NPAS2: variants seen among roughly 807,000 people sequenced by gnomAD.
NPAS2 encodes the protein neuronal PAS domain-containing protein 2.
In NPAS2, 23 loss-of-function variants were observed where a neutral mutation model predicts 107.5. The ratio of observed to expected loss-of-function variants is 0.21; its 90% CI spans 0.15 to 0.30. NPAS2 has a LOEUF of 0.30. Among genes scored for constraint, NPAS2 ranks in the 10% least tolerant of loss-of-function variants. The pLI is 1.00. For synonymous variants in NPAS2, 403 were observed against 417.5 expected (o/e 0.97, Z 0.42); for missense variants, 756 against 1,043.3 (o/e 0.72, Z 3.79).
At chr2:100,869,710 A>C (rs950540229) in intron 1 of NPAS2, among the ~76,000 whole-genome samples, 2 of 152,052 alleles carry the variant, frequency 1.3e-5, no homozygotes, top group Non-Finnish European at 2.9e-5. Flanking sequence ...CGAGCTTTAC[A>C]AGCAAGGGTC....
rs1677881985 is a variant in NPAS2 at position 100,988,120 on chromosome 2, C to T, written c.1671C>T (p.Ser557=). 8 of 1,614,232 alleles carry T rather than the reference C, an allele frequency of 5.0e-6. No homozygotes were observed. The highest frequency in any genetic ancestry group is 5.9e-6 in the Non-Finnish European group (7 of 1,180,028). ...QQPAVSLSFS[S]TQRPEAQQQL... The stretch of plus-strand genomic sequence containing the variant: ...CAGCTGTATCCCTGAGCTTCAGCAG[C>T]ACCCAGCGACCTGAGGCTCAGCAGC... Residue 557 remains serine (S), a synonymous_variant, in exon 17 of 21, where the codon AGC becomes AGT. Transcript: ENST00000335681.
chr2:100,962,284 A>G (rs929931512), intron 7 of NPAS2, among the ~76,000 whole-genome samples: 1 of 152,182 alleles, frequency 6.6e-6, no homozygotes, highest in Non-Finnish European at 1.5e-5. Context: ...AGACCACATT[A>G]TAGAATCTTT....
chr2:100,898,469 C>T (rs751162616), intron 1 of NPAS2, among the ~76,000 whole-genome samples: 19 of 152,152 alleles, frequency 1.2e-4, no homozygotes, highest in Non-Finnish European at 2.2e-4. Flanking sequence ...GCCCACCCTA[C>T]ATTTATGTCA....
At chr2:100,839,505 TTAA>T (rs764262311) in intron 1 of NPAS2, among the ~76,000 whole-genome samples, 10 of 152,192 alleles carry the variant, frequency 6.6e-5, no homozygotes, top group Non-Finnish European at 1.3e-4. Flanking sequence ...TATGATTTTC[TTAA>T]TAACATTTTT....
At chr2:100,920,146 T>C (rs912061476) in intron 2 of NPAS2, among the ~76,000 whole-genome samples, 3 of 152,084 alleles carry the variant, frequency 2.0e-5, no homozygotes, top group Non-Finnish European at 4.4e-5. Context: ...GGTCCTCCTG[T>C]CAAAGGGGGA....
In NPAS2 at chr2:100,968,950, A is replaced by G. The variant is rs6741733; in HGVS notation, c.1055+522A>G. Among the ~76,000 whole-genome samples, 2,251 of 152,270 alleles carry G rather than the reference A, an allele frequency of 0.015. 74 individuals carry two copies. The highest frequency in any genetic ancestry group is 0.051 in the African/African-American group (2,112 of 41,566). ...TTCCTGGGAGGTCCCTGCTGGCCTCAGGGAGCCCTCCACCCAGGGCGGGTG... is the reference window on the plus strand; with the variant it reads ...TTCCTGGGAGGTCCCTGCTGGCCTCGGGGAGCCCTCCACCCAGGGCGGGTG... On this transcript the variant is annotated intron_variant, in intron 11 of 20. Transcript: ENST00000335681. This position sits in a 1 kb window ranked among gnomAD's most constrained non-coding sequence, Gnocchi z 5.3.
intron 1 of NPAS2, among the ~76,000 whole-genome samples, chr2:100,882,381 G>A (rs1680407941): frequency 1.3e-5 from 2 of 152,110 alleles, no homozygotes; most frequent in African/African-American, 2.4e-5. Flanking sequence ...AGGCCAAGGT[G>A]GGCGGATCAC....
At chr2:100,854,158 C>A (rs1000325748) in intron 1 of NPAS2, among the ~76,000 whole-genome samples, 99 of 59,594 alleles carry the variant, frequency 1.7e-3, no homozygotes, top group Admixed American at 2.7e-3. Context: ...CCTGCCTCAA[C>A]AAAAAAAAAA....
At chr2:100,972,185 T>G (rs1676622426) in intron 12 of NPAS2, among the ~76,000 whole-genome samples, 1 of 152,116 alleles carries the variant, frequency 6.6e-6, no homozygotes, top group Non-Finnish European at 1.5e-5. Context: ...TGACCTCAAG[T>G]GATCCTCCCA....
intron 7 of NPAS2, among the ~76,000 whole-genome samples, chr2:100,955,476 G>C (rs191239191): frequency 6.6e-6 from 1 of 152,272 alleles, no homozygotes; most frequent in Admixed American, 6.5e-5. Context: ...GACCAGACTT[G>C]AGGCTTAGAG....
intron 15 of NPAS2, among the ~76,000 whole-genome samples, chr2:100,980,714 G>A (rs941387588): frequency 6.6e-6 from 1 of 152,064 alleles, no homozygotes; most frequent in Non-Finnish European, 1.5e-5. Context: ...CAGGTGATCC[G>A]CCCACCTCGG....
chr2:100,973,052 A>G (rs943846608), intron 12 of NPAS2, among the ~76,000 whole-genome samples: 25 of 152,050 alleles, frequency 1.6e-4, no homozygotes, highest in African/African-American at 5.5e-4. Context: ...GGTGGCGTGC[A>G]CCTGTAATCC....
At chr2:100,851,808 A>T (rs1256828598) in intron 1 of NPAS2, among the ~76,000 whole-genome samples, 1 of 152,214 alleles carries the variant, frequency 6.6e-6, no homozygotes, top group African/African-American at 2.4e-5. Context: ...GGAAGATTTA[A>T]CATTTTTGTT....
At chr2:100,863,900 G>C (rs1051046762) in intron 1 of NPAS2, among the ~76,000 whole-genome samples, 1 of 152,170 alleles carries the variant, frequency 6.6e-6, no homozygotes, top group Non-Finnish European at 1.5e-5. Flanking sequence ...TCCTCCATCA[G>C]TATAAGCTTT....
chr2:100,862,306 ATGT>A (rs1016445273), intron 1 of NPAS2, among the ~76,000 whole-genome samples: 1 of 152,028 alleles, frequency 6.6e-6, no homozygotes, highest in Non-Finnish European at 1.5e-5. Flanking sequence ...GTAGATACAG[ATGT>A]TGTTTGTTTT....
At chr2:100,838,434 C>T (rs943118153) in intron 1 of NPAS2, among the ~76,000 whole-genome samples, 6 of 152,118 alleles carry the variant, frequency 3.9e-5, no homozygotes, top group African/African-American at 4.8e-5. Context: ...CCCACCACCA[C>T]GCCTGACTAA....
chr2:100,920,848 A>G (rs1402012826), intron 2 of NPAS2, among the ~76,000 whole-genome samples: 2 of 152,204 alleles, frequency 1.3e-5, no homozygotes, highest in African/African-American at 4.8e-5. Context: ...AACTGGAAAT[A>G]TTTGGTGAAC....
At chr2:100,915,327 G>C (rs1682813988) in intron 2 of NPAS2, among the ~76,000 whole-genome samples, 1 of 152,160 alleles carries the variant, frequency 6.6e-6, no homozygotes. Flanking sequence ...GTAGTATGAG[G>C]AAGGGCAGGA....
chr2:100,983,453 G>A (rs769604948), intron 16 of NPAS2: 7 of 152,646 alleles, frequency 4.6e-5, no homozygotes, highest in Admixed American at 3.3e-4. Context: ...TGGCCCTCAG[G>A]GGCACTCCTG....
Sources: allele counts gnomAD v4.1 joint callset (sites outside exome capture counted in the v4.1 genomes callset), GRCh38; gene constraint gnomAD v4.1.1; non-coding constraint Gnocchi (gnomAD v3.1); transcripts MANE v1.5; gene names NCBI Gene and HGNC (gene_info 2026-07-23, HGNC 2026-07-21).